Variants in ZMYND8 observed in about 807,000 individuals in gnomAD.
ZMYND8 encodes the protein zinc finger MYND-type containing 8.
ZMYND8 carries 37 observed loss-of-function variants against 140.8 expected under a neutral mutation model. The observed-to-expected ratio is 0.26, with a 90% CI of 0.20 to 0.35. ZMYND8 has a LOEUF of 0.35. ZMYND8 is among the 10% of genes least tolerant of loss of function. The pLI is 1.00. For missense variants in ZMYND8, 1,068 were observed against 1,570.0 expected (o/e 0.68, Z 5.40); for synonymous variants, 592 against 597.1 (o/e 0.99, Z 0.12).
At chr20:47,336,680 C>T (rs928473455) in intron 2 of ZMYND8, among the ~76,000 whole-genome samples, 2 of 152,220 alleles carry the variant, frequency 1.3e-5, no homozygotes, top group African/African-American at 4.8e-5. Flanking sequence ...TGACAGCCCT[C>T]GGCTTCTTCT....
intron 16 of ZMYND8, among the ~76,000 whole-genome samples, chr20:47,232,693 A>G (rs1030861735): frequency 2.6e-5 from 4 of 152,284 alleles, no homozygotes; most frequent in African/African-American, 9.6e-5. Context: ...GCTGGGACTA[A>G]ATCAAGGGAA....
At chr20:47,220,148 T>A in intron 21 of ZMYND8, 110 bp downstream of exon 21, 162 of 728,232 alleles carry the variant, frequency 2.2e-4, no homozygotes, top group East Asian at 6.5e-4. Flanking sequence ...GGATCCATAA[T>A]CGTTTGGAAA....
intron 16 of ZMYND8, among the ~76,000 whole-genome samples, chr20:47,232,039 G>GTTCAT (rs2038562254): frequency 6.6e-6 from 1 of 152,184 alleles, no homozygotes; most frequent in Non-Finnish European, 1.5e-5. Context: ...ATGTCACTGT[G>GTTCAT]TTCATTTTTT....
intron 5 of ZMYND8, among the ~76,000 whole-genome samples, chr20:47,294,367 C>CA (rs879344544): frequency 0.011 from 1,416 of 132,558 alleles, 9 homozygotes; most frequent in Non-Finnish European, 0.015. Context: ...AACAAACAAA[C>CA]AAACAAAAAA....
intron 1 of ZMYND8, among the ~76,000 whole-genome samples, chr20:47,355,184 G>A (rs1226788809): frequency 6.6e-6 from 1 of 152,168 alleles, no homozygotes; most frequent in Non-Finnish European, 1.5e-5. Context: ...TAAAGGTCTA[G>A]AGTCAAGTCA....
intron 4 of ZMYND8, among the ~76,000 whole-genome samples, chr20:47,295,187 G>C (rs1286925652): frequency 6.6e-6 from 1 of 152,176 alleles, no homozygotes; most frequent in Admixed American, 6.5e-5. Flanking sequence ...GAGCCCCAGT[G>C]TTGGAGACCA....
chr20:47,258,296 C>A (rs2074906344), intron 12 of ZMYND8, among the ~76,000 whole-genome samples: 1 of 152,250 alleles, frequency 6.6e-6, no homozygotes, highest in South Asian at 2.1e-4. Context: ...AACTCTACCA[C>A]AAACCATGGT....
chr20:47,212,250 A>T (rs2035377530), intron 22 of ZMYND8, among the ~76,000 whole-genome samples: 1 of 152,182 alleles, frequency 6.6e-6, no homozygotes, highest in African/African-American at 2.4e-5. Context: ...ACCAGGGCCA[A>T]GCTGAGTTCA....
At chr20:47,238,586 G>A (rs1237894816) in intron 15 of ZMYND8, 172 bp downstream of exon 15, 2 of 1,281,590 alleles carry the variant, frequency 1.6e-6, no homozygotes, top group East Asian at 2.5e-5. Flanking sequence ...AAAGCAAGTA[G>A]CAAAACAATT....
In ZMYND8 at chr20:47,246,144, C is replaced by T. The variant is rs527513351; in HGVS notation, c.2148G>A (p.Thr716=). 79 of 1,614,132 alleles carry T rather than the reference C, an allele frequency of 4.9e-5. 1 individual carries two copies. The South Asian group carries it at 7.7e-4, about 16-fold the overall frequency. Reference sequence around the variant, plus strand: ...GGCCCAAATGGACTGTTGGGGAATCCGTCTCATCTTTTCCCTTCAGTTTAT... The same window carrying T: ...GGCCCAAATGGACTGTTGGGGAATCTGTCTCATCTTTTCCCTTCAGTTTAT... The part of the protein sequence containing the change: ...IKDKLKGKDE[T]DSPTVHLGLD... The change falls in exon 14 of 23, where the codon ACG becomes ACA. Residue 716 remains threonine (T), a synonymous_variant. Coordinates refer to ENST00000471951, the MANE Select transcript of ZMYND8 (RefSeq NM_001281775.3).
chr20:47,227,520 T>C (rs1193141882), intron 17 of ZMYND8, among the ~76,000 whole-genome samples: 2 of 152,206 alleles, frequency 1.3e-5, no homozygotes, highest in Non-Finnish European at 2.9e-5. Context: ...GGAAAGCCAC[T>C]TAAAGTGACA....
At chr20:47,344,360 T>A (rs144553888) in intron 2 of ZMYND8, among the ~76,000 whole-genome samples, 1 of 152,124 alleles carries the variant, frequency 6.6e-6, no homozygotes, top group South Asian at 2.1e-4. Context: ...GTCTTCTTCC[T>A]CCCCAAAACC....
chr20:47,220,205 A>G, intron 21 of ZMYND8, 53 bp downstream of exon 21: 3 of 1,459,360 alleles, frequency 2.1e-6, no homozygotes, highest in Non-Finnish European at 2.8e-6. Context: ...ATGGCTCCCC[A>G]TCTGCCCATC....
chr20:47,275,071 TA>T lies in ZMYND8; in HGVS notation c.1480+1242del, dbSNP rs780016782. 8.5e-4 allele frequency among the ~76,000 whole-genome samples: 130 copies of T among 152,208 alleles called. 1 individual carries two copies. Among genetic ancestry groups the T allele is most frequent in the Admixed American group, 2.0e-3 (30 of 15,280 alleles). ...TGTCCAAGGCTTTAGGCCAGAAGCCTAAAGCTGGTACTCCAACCTGCTTTAT... is the reference window on the plus strand; with the variant it reads ...TGTCCAAGGCTTTAGGCCAGAAGCCTAAGCTGGTACTCCAACCTGCTTTAT... On this transcript the variant is annotated intron_variant, in intron 11 of 22. Coordinates refer to ENST00000471951, the MANE Select transcript of ZMYND8 (RefSeq NM_001281775.3).
intron 2 of ZMYND8, among the ~76,000 whole-genome samples, chr20:47,343,127 G>A (rs1346008721): frequency 6.6e-6 from 1 of 151,796 alleles, no homozygotes; most frequent in Admixed American, 6.6e-5. Flanking sequence ...CAAATAAAAA[G>A]AACAAAAATT....
At chr20:47,279,373 G>A (rs1048410692) in intron 10 of ZMYND8, among the ~76,000 whole-genome samples, 4 of 152,094 alleles carry the variant, frequency 2.6e-5, no homozygotes, top group African/African-American at 7.2e-5. Flanking sequence ...AGGAGGCAGA[G>A]GTGGGAGAAT....
chr20:47,316,512 G>A (rs1601860505), intron 2 of ZMYND8, among the ~76,000 whole-genome samples: 1 of 151,972 alleles, frequency 6.6e-6, no homozygotes, highest in Admixed American at 6.6e-5. Flanking sequence ...AAGAGTTTCG[G>A]CCAGGTGTGG....
chr20:47,322,130 G>T (rs768400428), intron 2 of ZMYND8, among the ~76,000 whole-genome samples: 11 of 152,006 alleles, frequency 7.2e-5, no homozygotes, highest in Non-Finnish European at 1.3e-4. Context: ...CAAAGTGCTG[G>T]GATTACAGAT....
chr20:47,220,382 C>A, intron 20 of ZMYND8, 58 bp from the exon 21 acceptor site: 4 of 1,328,756 alleles, frequency 3.0e-6, no homozygotes, highest in Non-Finnish European at 3.2e-6. Flanking sequence ...GTCGCCCCCA[C>A]AGGGAAATCC....
Sources: gnomAD v4.1 joint callset for allele counts (sites outside exome capture counted in the v4.1 genomes callset) on GRCh38, gnomAD v4.1.1 for gene constraint, MANE v1.5 for transcripts, NCBI Gene and HGNC (gene_info 2026-07-23, HGNC 2026-07-21) for gene names.